FTO: variants seen among roughly 807,000 people sequenced by gnomAD.
FTO encodes FTO alpha-ketoglutarate dependent dioxygenase, also known as alpha-ketoglutarate-dependent dioxygenase FTO.
FTO carries 47 observed loss-of-function variants against 63.9 expected under a neutral mutation model. The ratio of observed to expected loss-of-function variants is 0.74; its 90% CI spans 0.58 to 0.94. FTO has a LOEUF of 0.94. FTO is among the 40% of genes least tolerant of loss of function. FTO has a pLI of 0.00. For synonymous variants in FTO, 207 were observed against 224.4 expected, an observed-to-expected ratio of 0.92 and a Z score of 0.69; for missense variants, 562 against 618.1, an observed-to-expected ratio of 0.91 and a Z score of 0.96.
intron 1 of FTO, among the ~76,000 whole-genome samples, chr16:53,782,240 T>C (rs564853146): frequency 6.6e-6 from 1 of 152,224 alleles, no homozygotes; most frequent in Non-Finnish European, 1.5e-5. Flanking sequence ...ATGAGAGAAT[T>C]TAACTAATTT....
intron 1 of FTO, among the ~76,000 whole-genome samples, chr16:53,794,205 C>T (rs978445469): frequency 2.0e-5 from 3 of 152,192 alleles, no homozygotes; most frequent in African/African-American, 7.2e-5. Flanking sequence ...TAGTGAATCT[C>T]CTGCTAAGAC....
chr16:53,920,377 C>T (rs79041215), intron 7 of FTO, among the ~76,000 whole-genome samples: 2,517 of 152,266 alleles, frequency 0.017, 48 homozygotes, highest in Middle Eastern at 0.02. Flanking sequence ...ACAAGGGAGA[C>T]CTCCTGAATC....
At chr16:54,016,862 C>T (rs1272054011) in intron 8 of FTO, among the ~76,000 whole-genome samples, 1 of 152,186 alleles carries the variant, frequency 6.6e-6, no homozygotes, top group Non-Finnish European at 1.5e-5. Flanking sequence ...AATTCAACTA[C>T]AACATCCAGA....
chr16:54,106,634 T>C (rs1443411475), intron 8 of FTO, among the ~76,000 whole-genome samples: 2 of 138,904 alleles, frequency 1.4e-5, no homozygotes, highest in Non-Finnish European at 3.0e-5. Context: ...TATAAATTTA[T>C]AAATTACATA....
At chr16:53,739,812 G>A (rs1163077976) in intron 1 of FTO, among the ~76,000 whole-genome samples, 1 of 151,878 alleles carries the variant, frequency 6.6e-6, no homozygotes, top group Admixed American at 6.6e-5. Context: ...TGTTTGAAAT[G>A]ATTACTCTGA....
At chr16:53,774,184 T>C (rs903990168) in intron 1 of FTO, among the ~76,000 whole-genome samples, 3 of 152,136 alleles carry the variant, frequency 2.0e-5, no homozygotes, top group Non-Finnish European at 4.4e-5. Context: ...TAACTTACCC[T>C]CTATGACCTT....
intron 1 of FTO, among the ~76,000 whole-genome samples, chr16:53,721,323 A>G (rs1052299529): frequency 2.4e-4 from 37 of 152,332 alleles, no homozygotes; most frequent in African/African-American, 8.7e-4. Context: ...TTCCCGAAGT[A>G]TATAGACTAA....
chr16:53,993,349 T>C (rs549492319), intron 8 of FTO: 8 of 152,254 alleles, frequency 5.3e-5, no homozygotes, highest in South Asian at 2.1e-4. Context: ...TTAGCCTCTG[T>C]AGCTGTTTTA....
At chr16:53,847,218 A>G (rs1263316747) in intron 4 of FTO, among the ~76,000 whole-genome samples, 1 of 152,130 alleles carries the variant, frequency 6.6e-6, no homozygotes, top group Non-Finnish European at 1.5e-5. Context: ...GTATCTTGTC[A>G]TCTTATCCCA....
At chr16:53,985,813 A>T (rs2083653748) in intron 8 of FTO, among the ~76,000 whole-genome samples, 1 of 152,226 alleles carries the variant, frequency 6.6e-6, no homozygotes, top group African/African-American at 2.4e-5. Flanking sequence ...TCATATTTTT[A>T]AAGTCAGATA....
chr16:53,768,610 A>T (rs1180971163), intron 1 of FTO, among the ~76,000 whole-genome samples: 1 of 152,136 alleles, frequency 6.6e-6, no homozygotes. Flanking sequence ...TGGGATGGAT[A>T]GGCAGCTTTG....
intron 7 of FTO, among the ~76,000 whole-genome samples, chr16:53,916,755 C>T (rs968799040): frequency 6.6e-6 from 1 of 152,210 alleles, no homozygotes; most frequent in African/African-American, 2.4e-5. Context: ...TCATCTGACG[C>T]ATTCCTTTCA....
chr16:53,850,638 T>G (rs1164709369), intron 4 of FTO, among the ~76,000 whole-genome samples: 1 of 152,300 alleles, frequency 6.6e-6, no homozygotes, highest in East Asian at 1.9e-4. Context: ...ATGCATGTCT[T>G]GAGTGCCTAC....
chr16:53,757,495 GTGTGTA>G (rs2076950753), intron 1 of FTO, among the ~76,000 whole-genome samples: 1 of 151,424 alleles, frequency 6.6e-6, no homozygotes, highest in Non-Finnish European at 1.5e-5. Flanking sequence ...TATATAATAT[GTGTGTA>G]TATATGAATA....
intron 4 of FTO, 117 bp downstream of exon 4, chr16:53,844,415 C>G (rs62033439): frequency 0.37 from 305,148 of 834,716 alleles, 57,467 homozygotes; most frequent in South Asian, 0.46. Flanking sequence ...ATATTAAGAG[C>G]GAAACTTCTT....
At chr16:53,813,539 A>G (rs1258095507) in intron 2 of FTO, among the ~76,000 whole-genome samples, 7 of 152,192 alleles carry the variant, frequency 4.6e-5, no homozygotes, top group Non-Finnish European at 8.8e-5. Context: ...AAGGCTTAGT[A>G]CTTCAATAAA....
intron 8 of FTO, among the ~76,000 whole-genome samples, chr16:54,054,342 G>C (rs943109583): frequency 6.6e-6 from 1 of 152,226 alleles, no homozygotes; most frequent in Non-Finnish European, 1.5e-5. Flanking sequence ...GGTGGTGCCA[G>C]TGGGGAGGAA....
At chr16:53,710,607 C>A (rs1435137558) in intron 1 of FTO, among the ~76,000 whole-genome samples, 1 of 152,046 alleles carries the variant, frequency 6.6e-6, no homozygotes, top group Admixed American at 6.6e-5. Flanking sequence ...AAAGATGGGG[C>A]CTCTAGAGGT....
rs547786591 is a variant in FTO at position 53,787,245 on chromosome 16, T to C, written c.46-22895T>C. Among the ~76,000 whole-genome samples the C allele has an allele frequency of 1.0e-4, 15 of 150,528 alleles. No homozygotes were observed. The South Asian group carries it at 2.6e-3, about 26-fold the overall frequency. ...CTATGTCTTGGTGGGAGTAGCACTA[T>C]CTATCACCTTATGGGCCAAAGGGAA... is the stretch of plus-strand genomic sequence containing the variant. On this transcript the variant is annotated intron_variant, in intron 1 of 8. Transcript: ENST00000471389.
Sources: allele counts gnomAD v4.1 joint callset (sites outside exome capture counted in the v4.1 genomes callset), GRCh38; gene constraint gnomAD v4.1.1; transcripts MANE v1.5; gene names NCBI Gene and HGNC (gene_info 2026-07-23, HGNC 2026-07-21).